The following F2RL1 variants were observed in gnomAD, a reference collection of about 807,000 sequenced individuals.
F2RL1 encodes proteinase-activated receptor 2.
F2RL1 carries 16 observed loss-of-function variants against 21.7 expected under a neutral mutation model. That is an observed-to-expected ratio of 0.74 (90% confidence interval 0.50 to 1.12). The LOEUF (loss-of-function observed/expected upper bound fraction) is 1.12. Among genes scored for constraint, F2RL1 ranks in the 50% most tolerant of loss-of-function variants. The pLI, the probability that F2RL1 is intolerant of heterozygous loss-of-function variation, is 0.00. For missense variants in F2RL1, 432 were observed against 477.8 expected (o/e 0.90, Z 0.89); for synonymous variants, 181 against 186.7 (o/e 0.97, Z 0.25).
intron 1 of F2RL1, among the ~76,000 whole-genome samples, chr5:76,823,835 C>T (rs1483894935): frequency 1.7e-5 from 2 of 120,702 alleles, no homozygotes; most frequent in East Asian, 2.3e-4. Context: ...TTTTTTGAGA[C>T]GGAGTCTTGC....
At chr5:76,821,942 A>G (rs1217707712) in intron 1 of F2RL1, among the ~76,000 whole-genome samples, 1 of 152,118 alleles carries the variant, frequency 6.6e-6, no homozygotes, top group African/African-American at 2.4e-5. Context: ...ATGAGCCAAA[A>G]CAAAAAAAGG....
At position 76,819,090 on chromosome 5, in the gene F2RL1, GCTGA is replaced by G; in HGVS notation, c.-90_-87del. 9.3e-7 allele frequency: 1 copy of G among 1,069,728 alleles called. No homozygotes were observed. The allele number at this position is 1,069,728 out of a possible 1,614,324, so 66.3% of individuals were successfully genotyped here. ...GGCTCCGATTCGGGGCAGGTGAGAG[GCTGA>G]CTTTCTCTCGGTGCGTCCAGTGGAG... On this transcript the variant is annotated 5_prime_UTR_variant, in exon 1 of 2. Transcript: ENST00000296677.
intron 1 of F2RL1, among the ~76,000 whole-genome samples, chr5:76,831,309 C>G (rs1303788361): frequency 1.3e-5 from 2 of 151,968 alleles, no homozygotes; most frequent in Non-Finnish European, 2.9e-5. Context: ...TTGAGGCTAT[C>G]GTTGTGGGTG....
At position 76,825,404 on chromosome 5, in the gene F2RL1, G is replaced by A. The variant is rs369341118; in HGVS notation, c.82+6140G>A. On this transcript the variant is annotated intron_variant, in intron 1 of 1. Coordinates refer to ENST00000296677, the MANE Select transcript of F2RL1 (RefSeq NM_005242.6). ...CCTTAGTAGTAGGGACTACGTCAGG[G>A]ACATGCTAAGTTAGGAATAGAAATA... Among the ~76,000 whole-genome samples, 3 of 152,252 alleles carry A rather than the reference G, an allele frequency of 2.0e-5. No homozygotes were observed. The East Asian group carries it at 5.8e-4, about 29-fold the overall frequency.
In F2RL1 at chr5:76,819,095, C is replaced by T; in HGVS notation, c.-88C>T. 1.8e-6 allele frequency: 2 copies of T among 1,128,914 alleles called. No homozygotes were observed. Among genetic ancestry groups the T allele is most frequent in the South Asian group, 1.4e-5 (1 of 72,694 alleles). 69.9% of individuals were successfully genotyped at this position (1,128,914 alleles called of 1,614,324 possible). ...CGATTCGGGGCAGGTGAGAGGCTGA[C>T]TTTCTCTCGGTGCGTCCAGTGGAGC... On this transcript the variant is annotated 5_prime_UTR_variant, in exon 1 of 2. Transcript: ENST00000296677.
chr5:76,820,360 ATCC>A (rs1335500720), intron 1 of F2RL1, among the ~76,000 whole-genome samples: 4 of 152,024 alleles, frequency 2.6e-5, no homozygotes, highest in Non-Finnish European at 5.9e-5. Context: ...TCTCACTTTT[ATCC>A]TCCTCTTCAT....
intron 1 of F2RL1, among the ~76,000 whole-genome samples, chr5:76,829,752 A>G (rs2243081): frequency 1.9e-4 from 29 of 152,300 alleles, no homozygotes; most frequent in Non-Finnish European, 2.1e-4. Flanking sequence ...GTATCAGTGC[A>G]CCCTATGTAA....
chr5:76,819,100 T>C lies in F2RL1; in HGVS notation c.-83T>C. On this transcript the variant is annotated 5_prime_UTR_variant, in exon 1 of 2. Coordinates refer to ENST00000296677, the MANE Select transcript of F2RL1 (RefSeq NM_005242.6). ...CGGGGCAGGTGAGAGGCTGACTTTC[T>C]CTCGGTGCGTCCAGTGGAGCTCTGA... 8.6e-7 allele frequency: 1 copy of C among 1,161,890 alleles called. No homozygotes were observed. Among genetic ancestry groups the C allele is most frequent in the Non-Finnish European group, 1.2e-6 (1 of 821,490 alleles). 72.0% of individuals were successfully genotyped at this position (1,161,890 alleles called of 1,614,324 possible). A position where few individuals can be genotyped will look rare whatever the true frequency, so the allele number is the denominator to read the frequency against.
chr5:76,820,899 G>A (rs1358643445), intron 1 of F2RL1, among the ~76,000 whole-genome samples: 2 of 152,162 alleles, frequency 1.3e-5, no homozygotes, highest in Non-Finnish European at 2.9e-5. Context: ...TTCCCAAAGG[G>A]TTAGTGAAGT....
At chr5:76,821,760 A>G (rs922317816) in intron 1 of F2RL1, among the ~76,000 whole-genome samples, 1 of 151,470 alleles carries the variant, frequency 6.6e-6, no homozygotes, top group Non-Finnish European at 1.5e-5. Flanking sequence ...TTGTATTTTT[A>G]GTAGAGACAG....
rs1580928528 is a variant in F2RL1, at chr5:76,819,111, C to T, written c.-72C>T. ...AGAGGCTGACTTTCTCTCGGTGCGT[C>T]CAGTGGAGCTCTGAGTTTCGAATCG... On this transcript the variant is annotated 5_prime_UTR_variant, in exon 1 of 2. Transcript: ENST00000296677. The T allele has an allele frequency of 2.4e-6, 3 of 1,258,446 alleles. No homozygotes were observed. Among genetic ancestry groups the T allele is most frequent in the Non-Finnish European group, 3.3e-6 (3 of 897,964 alleles). The allele number at this position is 1,258,446 out of a possible 1,614,324, so 78.0% of individuals were successfully genotyped here. A position where few individuals can be genotyped will look rare whatever the true frequency, so the allele number is the denominator to read the frequency against.
chr5:76,828,761 T>A (rs886979641), intron 1 of F2RL1, among the ~76,000 whole-genome samples: 1 of 152,084 alleles, frequency 6.6e-6, no homozygotes, highest in African/African-American at 2.4e-5. Context: ...CGCAAAGCAC[T>A]GGGATTATAG....
rs35226539 is a variant in F2RL1, at chr5:76,834,140, C to CATAT, written c.*346_*349dup. 0.53 allele frequency: 89,238 copies of CATAT among 168,522 alleles called. 25,786 individuals carry two copies. Among genetic ancestry groups the CATAT allele is most frequent in the South Asian group, 0.66 (3,544 of 5,332 alleles). The allele number at this position is 168,522 out of a possible 1,614,324, so 10.4% of individuals were successfully genotyped here. A position where few individuals can be genotyped will look rare whatever the true frequency, so the allele number is the denominator to read the frequency against. ...TCTCAGCTGAAATTATATATATACA[C>CATAT]ATATATATATTTTACATCTGGGATC... On this transcript the variant is annotated 3_prime_UTR_variant, in exon 2 of 2. Coordinates refer to ENST00000296677, the MANE Select transcript of F2RL1 (RefSeq NM_005242.6).
intron 1 of F2RL1, 116 bp from the exon 2 acceptor site, chr5:76,832,574 G>A: frequency 9.3e-7 from 1 of 1,069,648 alleles, no homozygotes; most frequent in Admixed American, 2.8e-5. Flanking sequence ...GTGACAGCGA[G>A]ACCCTGTCTC....
Position 76,819,076 on chromosome 5 carries a change from G to A in F2RL1, c.-107G>A. The A allele has an allele frequency of 1.1e-6, 1 of 890,694 alleles. No individual in the cohort carries two copies. Among genetic ancestry groups the A allele is most frequent in the Non-Finnish European group, 1.7e-6 (1 of 591,040 alleles). 55.2% of individuals were successfully genotyped at this position (890,694 alleles called of 1,614,324 possible). On this transcript the variant is annotated 5_prime_UTR_variant, in exon 1 of 2. Transcript: ENST00000296677. ...AGGCGCGCAGCAGAGGCTCCGATTC[G>A]GGGCAGGTGAGAGGCTGACTTTCTC... is the stretch of plus-strand genomic sequence containing the variant.
At chr5:76,821,613 G>T (rs1349681585) in intron 1 of F2RL1, among the ~76,000 whole-genome samples, 23 of 127,124 alleles carry the variant, frequency 1.8e-4, no homozygotes, top group African/African-American at 2.9e-4. Flanking sequence ...ACTCTCATTC[G>T]GTTGCCCAGG....
intron 1 of F2RL1, among the ~76,000 whole-genome samples, chr5:76,819,513 C>T (rs1324508052): frequency 1.3e-5 from 2 of 152,130 alleles, no homozygotes; most frequent in South Asian, 4.1e-4. Flanking sequence ...CCCCAAAGAC[C>T]CCACTTCCCG....
intron 1 of F2RL1, among the ~76,000 whole-genome samples, chr5:76,832,464 G>T (rs930559603): frequency 6.6e-6 from 1 of 152,170 alleles, no homozygotes; most frequent in Non-Finnish European, 1.5e-5. Flanking sequence ...AGCTGGGTGT[G>T]ATGGTGTGTG....
rs1295771323 is a variant in F2RL1, at chr5:76,833,126, G to A, written c.519G>A (p.Arg173=). 1.2e-6 allele frequency: 2 copies of A among 1,614,220 alleles called. No individual in the cohort carries two copies. The highest frequency in any genetic ancestry group is 3.3e-5 in the Admixed American group (2 of 60,026). The part of the protein sequence containing the change: ...ILFMTCLSVQ[R]YWVIVNPMGH... ...TCATGACCTGCCTCAGTGTGCAGAGGTATTGGGTCATCGTGAACCCCATGG... is the reference window on the plus strand; with the variant it reads ...TCATGACCTGCCTCAGTGTGCAGAGATATTGGGTCATCGTGAACCCCATGG... Residue 173 remains arginine, a synonymous_variant, in exon 2 of 2, where the codon AGG becomes AGA. Transcript: ENST00000296677.
Sources: allele counts gnomAD v4.1 joint callset (sites outside exome capture counted in the v4.1 genomes callset), GRCh38; gene constraint gnomAD v4.1.1; transcripts MANE v1.5; gene names NCBI Gene and HGNC (gene_info 2026-07-23, HGNC 2026-07-21).